The following SYCP2 variants were observed in gnomAD, a reference collection of about 807,000 sequenced individuals.
SYCP2 encodes synaptonemal complex lateral element protein.
SYCP2 carries 55 observed loss-of-function variants against 211.3 expected under a neutral mutation model. That is an observed-to-expected ratio of 0.26 (90% CI 0.21 to 0.33). SYCP2 has a LOEUF of 0.33. Ranked by LOEUF, SYCP2 falls within the 10% of genes least tolerant of loss-of-function variation. The pLI is 1.00. For synonymous variants in SYCP2, 570 were observed against 555.2 expected (o/e 1.03, Z -0.37); for missense variants, 1,731 against 1,752.0 (o/e 0.99, Z 0.21).
intron 39 of SYCP2, 55 bp downstream of exon 39, chr20:59,867,656 G>A: frequency 1.4e-6 from 2 of 1,474,806 alleles, no homozygotes; most frequent in Non-Finnish European, 1.9e-6. Flanking sequence ...CTAGTAGAAA[G>A]TGTGGCATAT....
Position 59,880,290 on chromosome 20 carries a change from G to T in SYCP2, c.2941+13C>A. 1 of 1,552,870 alleles carries T rather than the reference G, an allele frequency of 6.4e-7. No homozygotes were observed. Among genetic ancestry groups the T allele is most frequent in the East Asian group, 2.3e-5 (1 of 43,518 alleles). ...AATCATTTGCAACATTTATCCAAAAGATAATTTCTTACTTGATTTTCCACT... is the reference window on the plus strand; with the variant it reads ...AATCATTTGCAACATTTATCCAAAATATAATTTCTTACTTGATTTTCCACT... On this transcript the variant is annotated intron_variant, in intron 31 of 44. Coordinates refer to ENST00000357552, the MANE Select transcript of SYCP2 (RefSeq NM_014258.4).
At chr20:59,877,726 T>C (rs1254596973) in intron 32 of SYCP2, among the ~76,000 whole-genome samples, 171 bp from the exon 33 acceptor site, 12 of 152,180 alleles carry the variant, frequency 7.9e-5, no homozygotes. Flanking sequence ...CCAGTTATCA[T>C]CTTTACCATC....
intron 2 of SYCP2, among the ~76,000 whole-genome samples, chr20:59,924,124 G>A (rs1194167323): frequency 6.6e-6 from 1 of 151,828 alleles, no homozygotes; most frequent in Non-Finnish European, 1.5e-5. Context: ...TATACCAAAA[G>A]AGAAGTAATC....
Position 59,896,436 on chromosome 20 carries a change from G to A in SYCP2, c.1497C>T (p.Ser499=). Residue 499 remains serine, a synonymous_variant, in exon 19 of 45, where the codon AGC becomes AGT. Coordinates refer to ENST00000357552, the MANE Select transcript of SYCP2 (RefSeq NM_014258.4). The part of the protein sequence containing the change: ...RYTMRSPVLF[S]NTSIPPRRRR... Reference sequence around the variant, plus strand: ...TAAAACTATAAAACTTACATGTGTTGCTGAAAAGCACTGGACTTCTCATAG... The same window carrying A: ...TAAAACTATAAAACTTACATGTGTTACTGAAAAGCACTGGACTTCTCATAG... The A allele has an allele frequency of 6.5e-7, 1 of 1,546,544 alleles. No homozygotes were observed. The highest frequency in any genetic ancestry group is 1.2e-5 in the South Asian group (1 of 85,640).
intron 24 of SYCP2, among the ~76,000 whole-genome samples, chr20:59,887,403 G>A (rs1045432646): frequency 1.3e-5 from 2 of 152,130 alleles, no homozygotes; most frequent in African/African-American, 4.8e-5. Flanking sequence ...ATCATTGAGG[G>A]ACATTTGGGT....
At chr20:59,879,465 T>TA in intron 31 of SYCP2, among the ~76,000 whole-genome samples, 1 of 152,042 alleles carries the variant, frequency 6.6e-6, no homozygotes, top group Middle Eastern at 3.4e-3. Context: ...CTGATGCCCT[T>TA]AAAATAAATA....
intron 13 of SYCP2, 128 bp from the exon 14 acceptor site, chr20:59,911,973 A>G (rs1311019233): frequency 2.1e-6 from 1 of 467,414 alleles, no homozygotes; most frequent in Non-Finnish European, 3.8e-6. Flanking sequence ...AGAACAGACA[A>G]GTATAATATT....
At chr20:59,883,637 TAAAAAA>T (rs79070220) in intron 26 of SYCP2, among the ~76,000 whole-genome samples, 5 of 143,172 alleles carry the variant, frequency 3.5e-5, no homozygotes, top group African/African-American at 1.3e-4. Flanking sequence ...TGTGGAATCT[TAAAAAA>T]AAAAAAATGT....
chr20:59,922,302 T>A, intron 3 of SYCP2, 88 bp downstream of exon 3: 1 of 1,187,906 alleles, frequency 8.4e-7, no homozygotes. Context: ...GCTTTATCAT[T>A]GCTAAAAACA....
intron 26 of SYCP2, among the ~76,000 whole-genome samples, chr20:59,885,646 A>T (rs969554228): frequency 6.6e-5 from 10 of 151,820 alleles, no homozygotes; most frequent in African/African-American, 2.4e-4. Context: ...AAATACACAC[A>T]CACACACACG....
intron 26 of SYCP2, among the ~76,000 whole-genome samples, chr20:59,884,242 G>A (rs1017848368): frequency 6.6e-6 from 1 of 151,984 alleles, no homozygotes; most frequent in African/African-American, 2.4e-5. Flanking sequence ...AACTTTGAGA[G>A]AGGCTAAGGT....
At chr20:59,900,847 C>T (rs182115601) in intron 16 of SYCP2, 29 bp from the exon 17 acceptor site, 3 of 1,352,200 alleles carry the variant, frequency 2.2e-6, no homozygotes, top group South Asian at 2.4e-5. Flanking sequence ...ACAGTGATGA[C>T]ATTTTCTTCA....
At chr20:59,868,597 C>G (rs762459557) in intron 37 of SYCP2, 29 bp from the exon 38 acceptor site, 3 of 1,544,012 alleles carry the variant, frequency 1.9e-6, no homozygotes, top group Non-Finnish European at 2.6e-6. Context: ...AAGTTAAAAG[C>G]GCTGCAATTT....
chr20:59,909,997 A>G (rs2060286038), intron 14 of SYCP2, among the ~76,000 whole-genome samples: 1 of 152,188 alleles, frequency 6.6e-6, no homozygotes, highest in East Asian at 1.9e-4. Context: ...ACTAAGAAAG[A>G]CCTAAGATGG....
chr20:59,884,863 A>G (rs930868592), intron 26 of SYCP2, among the ~76,000 whole-genome samples: 1 of 152,030 alleles, frequency 6.6e-6, no homozygotes, highest in African/African-American at 2.4e-5. Flanking sequence ...AGAAGAAAAA[A>G]CCCATGAGTA....
At chr20:59,914,649 T>C (rs910370458) in intron 10 of SYCP2, among the ~76,000 whole-genome samples, 27 of 152,104 alleles carry the variant, frequency 1.8e-4, no homozygotes, top group African/African-American at 5.5e-4. Flanking sequence ...TTATTCTACA[T>C]GTAAATCACC....
Position 59,895,591 on chromosome 20 carries a change from G to A in SYCP2, c.1511C>T (p.Pro504Leu), listed in dbSNP as rs2059992941. The A allele has an allele frequency of 6.2e-7, 1 of 1,612,350 alleles. No individual in the cohort carries two copies. Among genetic ancestry groups the A allele is most frequent in the African/African-American group, 1.3e-5 (1 of 74,746 alleles). ...TGGTTTAATTCTTCTTCTTCGTGGT[G>A]GTATTGCTAAAAAGGAGGACAAGGA... ...SPVLFSNTSI[P>L]PRRRRIKPPL... is the part of the protein sequence containing the mutation. The change falls in exon 20 of 45, where the codon CCA (proline) becomes CTA (leucine). Residue 504 changes from proline to leucine, a missense_variant. Physicochemically the swap from Pro to Leu is moderately conservative, Grantham distance 98. This residue lies in a region of SYCP2 where 1,387 missense variants were observed against 1,351.3 expected (regional missense o/e 1.03). Transcript: ENST00000357552.
intron 2 of SYCP2, among the ~76,000 whole-genome samples, chr20:59,925,464 A>G (rs909562689): frequency 1.3e-5 from 2 of 152,094 alleles, no homozygotes; most frequent in Admixed American, 6.6e-5. Context: ...CACACAGATG[A>G]AAGTATTTTT....
chr20:59,883,194 C>A (rs1036344624), intron 26 of SYCP2, among the ~76,000 whole-genome samples: 4 of 151,976 alleles, frequency 2.6e-5, no homozygotes, highest in African/African-American at 9.7e-5. Context: ...ACTGAAAATA[C>A]AAAAATTAGC....
Sources: allele counts gnomAD v4.1 joint callset (sites outside exome capture counted in the v4.1 genomes callset), GRCh38; gene constraint gnomAD v4.1.1; regional missense constraint gnomAD v4.1.1; transcripts MANE v1.5; gene names NCBI Gene and HGNC (gene_info 2026-07-23, HGNC 2026-07-21).